The following ABCA3 variants were observed in gnomAD, a reference collection of about 807,000 sequenced individuals.
ABCA3 encodes the protein phospholipid-transporting ATPase ABCA3.
ABCA3 carries 88 observed loss-of-function variants against 172.8 expected under a neutral mutation model. The ratio of observed to expected loss-of-function variants is 0.51; its 90% CI spans 0.43 to 0.61. The LOEUF is 0.61. ABCA3 is among the 20% of genes least tolerant of loss of function. The probability of loss-of-function intolerance (pLI) is 0.00; values close to 1 mark genes in which losing one functional copy is unlikely to be tolerated. For missense variants in ABCA3, 2,164 were observed against 2,301.0 expected (o/e 0.94, Z 1.22); for synonymous variants, 1,066 against 983.8 (o/e 1.08, Z -1.56).
In ABCA3 at chr16:2,284,999, C is replaced by G; in HGVS notation, c.3484-1G>C. Reference sequence around the variant, plus strand: ...GCACGTCGAAGGCCTTAAACACCACCTGCGGCGGCACAGGGAGGCGCTGCT... The same window carrying G: ...GCACGTCGAAGGCCTTAAACACCACGTGCGGCGGCACAGGGAGGCGCTGCT... On this transcript the variant is annotated splice_acceptor_variant, in intron 23 of 32. Coordinates refer to ENST00000301732, the MANE Select transcript of ABCA3 (RefSeq NM_001089.3). LOFTEE classifies it high-confidence loss of function. The surrounding 1 kb of genome is among the most constrained non-coding windows in gnomAD (Gnocchi z 5.9). The G allele has an allele frequency of 6.2e-7, 1 of 1,612,396 alleles. No individual in the cohort carries two copies. Among genetic ancestry groups the G allele is most frequent in the Non-Finnish European group, 8.5e-7 (1 of 1,179,738 alleles).
rs909264312 is a variant in ABCA3, at chr16:2,285,366, C to T, written c.3483+76G>A. ...GGCCTAGGGGCTGCCCAGCTGGTTC[C>T]GGTTCTGCACAGGGGTCCCAGGGCA... On this transcript the variant is annotated intron_variant, in intron 23 of 32. Transcript: ENST00000301732. This position sits in a 1 kb window ranked among gnomAD's most constrained non-coding sequence, Gnocchi z 4.7. 9 of 1,524,336 alleles carry T rather than the reference C, an allele frequency of 5.9e-6. No individual in the cohort carries two copies. The highest frequency in any genetic ancestry group is 5.5e-5 in the African/African-American group (4 of 72,686). The allele number at this position is 1,524,336 out of a possible 1,614,324, so 94.4% of individuals were successfully genotyped here. A position where few individuals can be genotyped will look rare whatever the true frequency, so the allele number is the denominator to read the frequency against.
rs188348401 is a variant in ABCA3, at chr16:2,311,554, G to A, written c.1112-2931C>T. On this transcript the variant is annotated intron_variant, in intron 10 of 32. Transcript: ENST00000301732. ...TTTTAATTTTTGGAGAGAGAGTCTC[G>A]CTCTGTCGCCCAGGCTGGAGTGCAG... Among the ~76,000 whole-genome samples the A allele has an allele frequency of 1.3e-4, 19 of 151,804 alleles. No homozygotes were observed. In the East Asian group the frequency reaches 3.7e-3, roughly 30 times the overall value.
At chr16:2,333,689 CTTT>C (rs879623326) in intron 1 of ABCA3, among the ~76,000 whole-genome samples, 23 of 138,872 alleles carry the variant, frequency 1.7e-4, no homozygotes, top group African/African-American at 4.9e-4. Flanking sequence ...AAATAACATT[CTTT>C]TTTTTTTTTT....
At chr16:2,307,707 G>A (rs1211487153) in intron 11 of ABCA3, among the ~76,000 whole-genome samples, 6 of 152,218 alleles carry the variant, frequency 3.9e-5, no homozygotes, top group South Asian at 2.1e-4. Context: ...CTGGGTTCAC[G>A]CCATTCTCCT....
rs528324733 is a variant in ABCA3 at position 2,314,703 on chromosome 16, A to G, written c.1111+2580T>C. On this transcript the variant is annotated intron_variant, in intron 10 of 32. Transcript: ENST00000301732. ...GCAATTCTCCTGCCTCAACCTCCCA[A>G]GAAGCTGGGATTACAGGCATGTGCC... Among the ~76,000 whole-genome samples the G allele has an allele frequency of 1.3e-4, 20 of 151,928 alleles. 3 individuals carry two copies. The highest frequency in any genetic ancestry group is 9.8e-4 in the Admixed American group (15 of 15,244).
chr16:2,293,215 C>A (rs1199533254), intron 18 of ABCA3, among the ~76,000 whole-genome samples: 2 of 151,398 alleles, frequency 1.3e-5, no homozygotes, highest in Non-Finnish European at 3.0e-5. Flanking sequence ...CCACACCCAG[C>A]TAATTTTTTG....
chr16:2,294,194 T>A (rs1208205670), intron 18 of ABCA3, among the ~76,000 whole-genome samples: 1 of 143,298 alleles, frequency 7.0e-6, no homozygotes, highest in Admixed American at 7.0e-5. Context: ...ATTTTTGTAT[T>A]TTTTTTTTTT....
chr16:2,292,098 C>T (rs372057897), intron 19 of ABCA3, 42 bp downstream of exon 19: 18 of 1,512,132 alleles, frequency 1.2e-5, no homozygotes, highest in South Asian at 4.5e-5. Flanking sequence ...CTCTGCAGCA[C>T]GGAGCCCAGT....
chr16:2,281,962 G>C lies in ABCA3; in HGVS notation c.4036-453C>G, dbSNP rs1434563371. ...GCGCCACCACGCCCAGCTAATTTTT[G>C]TATTTTTAGTAGAGACGGAGTTTCA... On this transcript the variant is annotated intron_variant, in intron 26 of 32. Transcript: ENST00000301732. This position sits in a 1 kb window ranked among gnomAD's most constrained non-coding sequence, Gnocchi z 4.7. 1.3e-5 allele frequency among the ~76,000 whole-genome samples: 2 copies of C among 152,066 alleles called. No individual in the cohort carries two copies. Among genetic ancestry groups the C allele is most frequent in the African/African-American group, 4.8e-5 (2 of 41,400 alleles).
intron 10 of ABCA3, among the ~76,000 whole-genome samples, chr16:2,311,974 T>C (rs753683980): frequency 5.9e-5 from 9 of 152,216 alleles, no homozygotes; most frequent in Non-Finnish European, 1.3e-4. Flanking sequence ...GGATTTTTAC[T>C]CTTGTATGAT....
chr16:2,307,896 C>T (rs947652927), intron 11 of ABCA3, among the ~76,000 whole-genome samples: 2 of 152,122 alleles, frequency 1.3e-5, no homozygotes, highest in South Asian at 2.1e-4. Flanking sequence ...TGAGCCACCA[C>T]GCCCAGCCTT....
At chr16:2,299,974 CG>C in intron 13 of ABCA3, 30 bp downstream of exon 13, 1 of 1,610,750 alleles carries the variant, frequency 6.2e-7, no homozygotes, top group Non-Finnish European at 8.5e-7. Flanking sequence ...CTGGCAGCCC[CG>C]GCCCTCCCTG....
chr16:2,314,181 C>A (rs2093711143), intron 10 of ABCA3, among the ~76,000 whole-genome samples: 1 of 152,178 alleles, frequency 6.6e-6, no homozygotes, highest in African/African-American at 2.4e-5. Context: ...CCATGTCCAG[C>A]ACAGCACACT....
In ABCA3 at chr16:2,292,895, C is replaced by T. The variant is rs1348971583; in HGVS notation, c.2415-657G>A. 3.3e-5 allele frequency among the ~76,000 whole-genome samples: 5 copies of T among 151,978 alleles called. No homozygotes were observed. In the East Asian group the frequency reaches 7.7e-4, roughly 24 times the overall value. On this transcript the variant is annotated intron_variant, in intron 18 of 32. Transcript: ENST00000301732. ...GCTTGAACCCGGGAGGCGGAGGTTG[C>T]GGTGAGCTGAGATCGCACCACTGGA... is the stretch of plus-strand genomic sequence containing the variant.
At chr16:2,314,425 G>T (rs1596857192) in intron 10 of ABCA3, among the ~76,000 whole-genome samples, 1 of 151,762 alleles carries the variant, frequency 6.6e-6, no homozygotes, top group East Asian at 1.9e-4. Flanking sequence ...AAACTCATAG[G>T]GACAGGAAGT....
At chr16:2,319,968 C>G in intron 7 of ABCA3, 128 bp from the exon 8 acceptor site, 1 of 1,258,864 alleles carries the variant, frequency 7.9e-7, no homozygotes, top group Non-Finnish European at 1.1e-6. Context: ...CTCAGGACCC[C>G]CGTGGCCGCT....
intron 10 of ABCA3, among the ~76,000 whole-genome samples, chr16:2,312,922 C>T (rs2093708837): frequency 6.6e-6 from 1 of 151,578 alleles, no homozygotes; most frequent in African/African-American, 2.4e-5. Context: ...TGGTGTTGTA[C>T]ACCTGTGGCC....
intron 1 of ABCA3, among the ~76,000 whole-genome samples, chr16:2,337,486 A>C (rs2093753679): frequency 6.9e-6 from 1 of 144,946 alleles, no homozygotes; most frequent in Non-Finnish European, 1.5e-5. Flanking sequence ...TGATCCTCCC[A>C]CCTCAGTCTC....
intron 7 of ABCA3, among the ~76,000 whole-genome samples, chr16:2,320,958 C>T (rs1208660894): frequency 6.8e-6 from 1 of 147,046 alleles, no homozygotes; most frequent in Non-Finnish European, 1.5e-5. Flanking sequence ...TCATTTGCCA[C>T]AAAGGTTTTC....
Sources: allele counts gnomAD v4.1 joint callset (sites outside exome capture counted in the v4.1 genomes callset), GRCh38; gene constraint gnomAD v4.1.1; non-coding constraint Gnocchi (gnomAD v3.1); transcripts MANE v1.5; gene names NCBI Gene and HGNC (gene_info 2026-07-23, HGNC 2026-07-21).